ADAMTS18: variants seen among roughly 807,000 people sequenced by gnomAD.
The protein encoded by ADAMTS18 is A disintegrin and metalloproteinase with thrombospondin motifs 18.
In ADAMTS18, 157 loss-of-function variants were observed where a neutral mutation model predicts 165.9. The ratio of observed to expected loss-of-function variants is 0.95; its 90% CI spans 0.83 to 1.08. The LOEUF (loss-of-function observed/expected upper bound fraction) is 1.08, where lower values mean the gene tolerates loss of function less well. Among genes scored for constraint, ADAMTS18 ranks in the 50% least tolerant of loss-of-function variants. ADAMTS18 has a pLI of 0.00. For missense variants in ADAMTS18, 2,040 were observed against 1,534.0 expected (o/e 1.33, Z -5.51); for synonymous variants, 782 against 578.2 (o/e 1.35, Z -5.06).
intron 3 of ADAMTS18, among the ~76,000 whole-genome samples, chr16:77,386,406 G>T (rs188152447): frequency 6.6e-6 from 1 of 152,298 alleles, no homozygotes; most frequent in Non-Finnish European, 1.5e-5. Flanking sequence ...GGTTTTGTTT[G>T]TTCCTCTCTG....
At chr16:77,409,483 G>T (rs1176066692) in intron 3 of ADAMTS18, among the ~76,000 whole-genome samples, 1 of 152,102 alleles carries the variant, frequency 6.6e-6, no homozygotes, top group Non-Finnish European at 1.5e-5. Flanking sequence ...TGATATGACA[G>T]GATAAATAGT....
At chr16:77,421,061 G>C (rs954898550) in intron 3 of ADAMTS18, among the ~76,000 whole-genome samples, 1 of 152,202 alleles carries the variant, frequency 6.6e-6, no homozygotes, top group South Asian at 2.1e-4. Context: ...CTGACTTGTA[G>C]TAAATTAGTG....
chr16:77,425,072 G>A (rs1203089238), intron 3 of ADAMTS18, among the ~76,000 whole-genome samples: 1 of 152,156 alleles, frequency 6.6e-6, no homozygotes, highest in Non-Finnish European at 1.5e-5. Flanking sequence ...GAAAGGGGGA[G>A]ATCAAAGCGT....
At chr16:77,396,267 G>A (rs1156941173) in intron 3 of ADAMTS18, among the ~76,000 whole-genome samples, 2 of 152,176 alleles carry the variant, frequency 1.3e-5, no homozygotes, top group East Asian at 3.8e-4. Context: ...GACTGCAAGG[G>A]AAGTCAAAAG....
chr16:77,387,514 T>G lies in ADAMTS18; in HGVS notation c.496-19791A>C, dbSNP rs74025988. On this transcript the variant is annotated intron_variant, in intron 3 of 22. Coordinates refer to ENST00000282849, the MANE Select transcript of ADAMTS18 (RefSeq NM_199355.4). ...CACACAGAGGAAGCTCTGTCCTAAC[T>G]CTGACCATTCATACCTCCTTCACTG... 4.1e-3 allele frequency among the ~76,000 whole-genome samples: 621 copies of G among 152,290 alleles called. 7 individuals carry two copies. The highest frequency in any genetic ancestry group is 0.014 in the African/African-American group (599 of 41,566).
chr16:77,374,268 TGGA>T, intron 3 of ADAMTS18, among the ~76,000 whole-genome samples: 1 of 149,292 alleles, frequency 6.7e-6, no homozygotes. Context: ...TTTTTCAGAG[TGGA>T]GGTGATGCTG....
At chr16:77,385,587 C>G (rs556630055) in intron 3 of ADAMTS18, among the ~76,000 whole-genome samples, 1 of 152,338 alleles carries the variant, frequency 6.6e-6, no homozygotes, top group East Asian at 1.9e-4. Context: ...CCCAACCCTG[C>G]CCTGCCTCCC....
intron 7 of ADAMTS18, among the ~76,000 whole-genome samples, 170 bp downstream of exon 7, chr16:77,361,935 A>C (rs1257863433): frequency 6.6e-6 from 1 of 152,198 alleles, no homozygotes; most frequent in Non-Finnish European, 1.5e-5. Context: ...CCCACATTCT[A>C]AGTTCAGTTA....
At chr16:77,338,711 T>C (rs781471260) in intron 11 of ADAMTS18, among the ~76,000 whole-genome samples, 2 of 151,604 alleles carry the variant, frequency 1.3e-5, no homozygotes, top group Non-Finnish European at 2.9e-5. Context: ...CCCAGCACTT[T>C]GGGAGGCCAA....
chr16:77,428,034 T>G (rs1321778071), intron 3 of ADAMTS18, among the ~76,000 whole-genome samples: 2 of 152,206 alleles, frequency 1.3e-5, no homozygotes, highest in Admixed American at 6.5e-5. Context: ...GTCAAATCAT[T>G]TAAAGGTGAC....
intron 16 of ADAMTS18, among the ~76,000 whole-genome samples, chr16:77,303,421 T>C (rs1292327105): frequency 2.6e-5 from 4 of 152,228 alleles, no homozygotes; most frequent in Non-Finnish European, 4.4e-5. Context: ...AGGCTGCTCA[T>C]AGGGAATACC....
At chr16:77,366,019 T>C (rs2056788259) in intron 4 of ADAMTS18, among the ~76,000 whole-genome samples, 1 of 152,238 alleles carries the variant, frequency 6.6e-6, no homozygotes, top group Non-Finnish European at 1.5e-5. Flanking sequence ...CATTACTCTA[T>C]ATATGCTAAA....
At chr16:77,367,808 A>T (rs1209146148) in intron 3 of ADAMTS18, 85 bp from the exon 4 acceptor site, 1 of 1,519,514 alleles carries the variant, frequency 6.6e-7, no homozygotes, top group African/African-American at 1.4e-5. Context: ...CTTCTGACTA[A>T]TTCCTGTATG....
chr16:77,398,483 G>T (rs1474887322), intron 3 of ADAMTS18, among the ~76,000 whole-genome samples: 1 of 152,174 alleles, frequency 6.6e-6, no homozygotes, highest in African/African-American at 2.4e-5. Flanking sequence ...CTTCAGAAAA[G>T]TCAGATAACC....
chr16:77,342,481 G>A (rs1597146584), intron 10 of ADAMTS18, among the ~76,000 whole-genome samples: 2 of 152,262 alleles, frequency 1.3e-5, no homozygotes, highest in East Asian at 3.9e-4. Flanking sequence ...TGTAGAGACA[G>A]ATTCTTGCTT....
At chr16:77,284,488 G>A (rs1289479714) in intron 22 of ADAMTS18, among the ~76,000 whole-genome samples, 1 of 152,042 alleles carries the variant, frequency 6.6e-6, no homozygotes, top group Non-Finnish European at 1.5e-5. Context: ...CTTAAGGTGA[G>A]GGCCTACAGA....
intron 3 of ADAMTS18, among the ~76,000 whole-genome samples, chr16:77,424,288 G>T (rs2057643250): frequency 6.6e-6 from 1 of 152,108 alleles, no homozygotes; most frequent in South Asian, 2.1e-4. Flanking sequence ...GACCAACATG[G>T]AGAAACCCCA....
At chr16:77,356,985 A>T (rs921477910) in intron 8 of ADAMTS18, among the ~76,000 whole-genome samples, 1 of 140,538 alleles carries the variant, frequency 7.1e-6, no homozygotes, top group South Asian at 2.3e-4. Flanking sequence ...CTTTTCTGAA[A>T]TTTTTTTTTT....
chr16:77,402,490 G>C (rs895058174), intron 3 of ADAMTS18, among the ~76,000 whole-genome samples: 1 of 152,156 alleles, frequency 6.6e-6, no homozygotes, highest in African/African-American at 2.4e-5. Flanking sequence ...TGGAGCATTT[G>C]AGGTTGAGAA....
Sources: allele counts gnomAD v4.1 joint callset (sites outside exome capture counted in the v4.1 genomes callset), GRCh38; gene constraint gnomAD v4.1.1; transcripts MANE v1.5; gene names NCBI Gene and HGNC (gene_info 2026-07-23, HGNC 2026-07-21).